TUBB4B: variants seen among roughly 807,000 people sequenced by gnomAD.
The protein encoded by TUBB4B is tubulin beta 4B class IVb, also known as tubulin beta-4B chain.
TUBB4B carries 7 observed loss-of-function variants against 34.3 expected under a neutral mutation model. The ratio of observed to expected loss-of-function variants is 0.20; its 90% CI spans 0.12 to 0.38. The LOEUF is 0.38. Ranked by LOEUF, TUBB4B falls within the 10% of genes least tolerant of loss-of-function variation. The pLI, the probability that TUBB4B is intolerant of heterozygous loss-of-function variation, is 1.00. For synonymous variants in TUBB4B, 390 were observed against 250.2 expected, an observed-to-expected ratio of 1.56 and a Z score of -5.27; for missense variants, 178 against 610.9, an observed-to-expected ratio of 0.29 and a Z score of 7.47.
intron 3 of TUBB4B, 155 bp from the exon 4 acceptor site, chr9:137,242,341 G>C: frequency 1.1e-6 from 1 of 912,444 alleles, no homozygotes; most frequent in Non-Finnish European, 1.6e-6. Context: ...TAGCAGGGCA[G>C]GCTGCCGTCT....
At position 137,243,646 on chromosome 9, in the gene TUBB4B, T is replaced by G; in HGVS notation, c.*90T>G. Reference sequence around the variant, plus strand: ...TGTGGCCTGTCCCACTGTGTGCACTTGCTGTTTTCCCTGTCCACATCCATG... The same window carrying G: ...TGTGGCCTGTCCCACTGTGTGCACTGGCTGTTTTCCCTGTCCACATCCATG... On this transcript the variant is annotated 3_prime_UTR_variant, in exon 4 of 4. Transcript: ENST00000340384. 1.2e-6 allele frequency: 2 copies of G among 1,613,994 alleles called. No individual in the cohort carries two copies. Among genetic ancestry groups the G allele is most frequent in the Admixed American group, 3.3e-5 (2 of 60,024 alleles).
Position 137,241,308 on chromosome 9 carries a change from T to G in TUBB4B, c.-53T>G. 4 of 1,575,298 alleles carry G rather than the reference T, an allele frequency of 2.5e-6. No individual in the cohort carries two copies. Among genetic ancestry groups the G allele is most frequent in the Non-Finnish European group, 3.4e-6 (4 of 1,167,294 alleles). On this transcript the variant is annotated 5_prime_UTR_variant, in exon 1 of 4. Transcript: ENST00000340384. ...TTGTAGCACTCTGCGCGCCCGCTCT[T>G]CTGCTGCTGTTTGTCTACTTCCTCC...
chr9:137,243,319 C>T lies in TUBB4B; in HGVS notation c.1101C>T (p.Phe367=), dbSNP rs1047819720. The change falls in exon 4 of 4, where the codon TTC becomes TTT. Residue 367 remains phenylalanine (F), a synonymous_variant. Coordinates refer to ENST00000340384, the MANE Select transcript of TUBB4B (RefSeq NM_006088.6). ...PPRGLKMSAT[F]IGNSTAIQEL... ...GGGGGCTAAAAATGTCCGCCACCTT[C>T]ATTGGCAACAGCACGGCCATCCAGG... 14 of 1,613,526 alleles carry T rather than the reference C, an allele frequency of 8.7e-6. No individual in the cohort carries two copies. The highest frequency in any genetic ancestry group is 1.0e-5 in the Non-Finnish European group (12 of 1,180,044).
rs1432939673 is a variant in TUBB4B, at chr9:137,241,638, C to T, written c.58-83C>T. ...GCGGGGAGGGCCGGGCTGCCGCGCC[C>T]GTCCGGGGCGGGGCTGCCTCCCTGC... On this transcript the variant is annotated intron_variant, in intron 1 of 3. Transcript: ENST00000340384. 43 of 955,208 alleles carry T rather than the reference C, an allele frequency of 4.5e-5. No homozygotes were observed. The South Asian group carries it at 4.6e-4, about 10-fold the overall frequency. 59.2% of individuals were successfully genotyped at this position (955,208 alleles called of 1,614,324 possible).
chr9:137,241,659 C>T (rs1836747180), intron 1 of TUBB4B, 62 bp from the exon 2 acceptor site: 1 of 1,384,408 alleles, frequency 7.2e-7, no homozygotes, highest in Non-Finnish European at 9.6e-7. Flanking sequence ...GGGCTGCCTC[C>T]CTGCGCACCG....
chr9:137,243,586 G>A lies in TUBB4B; in HGVS notation c.*30G>A, dbSNP rs1836803705. ...TTCAGTCACTGGGGAAAGCAGGGAA[G>A]CAGTGTGAACTCTTTATTCACTCCC... On this transcript the variant is annotated 3_prime_UTR_variant, in exon 4 of 4. Transcript: ENST00000340384. 1.2e-6 allele frequency: 2 copies of A among 1,613,580 alleles called. No individual in the cohort carries two copies. The highest frequency in any genetic ancestry group is 1.7e-5 in the Admixed American group (1 of 60,026).
chr9:137,242,469 CAA>C (rs756556583), intron 3 of TUBB4B, 25 bp from the exon 4 acceptor site: 11 of 1,602,198 alleles, frequency 6.9e-6, no homozygotes, highest in Non-Finnish European at 9.4e-6. Flanking sequence ...ACCTGGCTGA[CAA>C]ATGATTAGCT....
At position 137,242,143 on chromosome 9, in the gene TUBB4B, C is replaced by T. The variant is rs553607077; in HGVS notation, c.277+122C>T. The T allele has an allele frequency of 8.7e-5, 87 of 1,001,348 alleles. No homozygotes were observed. In the East Asian group the frequency reaches 1.3e-3, roughly 15 times the overall value. 62.0% of individuals were successfully genotyped at this position (1,001,348 alleles called of 1,614,324 possible). ...CCTCCTCTTCTCTGAGCCACTCAATCCCCTCTACTAAATCGGCTTTGGGAG... is the reference window on the plus strand; with the variant it reads ...CCTCCTCTTCTCTGAGCCACTCAATTCCCTCTACTAAATCGGCTTTGGGAG... On this transcript the variant is annotated intron_variant, in intron 3 of 3. Transcript: ENST00000340384.
intron 3 of TUBB4B, 51 bp downstream of exon 3, chr9:137,242,072 C>T (rs370094501): frequency 2.6e-6 from 4 of 1,560,062 alleles, no homozygotes; most frequent in Admixed American, 1.9e-5. Flanking sequence ...AGGGGCTGCT[C>T]CAAGGGCACC....
rs569635373 is a variant in TUBB4B, at chr9:137,242,062, A to G, written c.277+41A>G. On this transcript the variant is annotated intron_variant, in intron 3 of 3. Transcript: ENST00000340384. Reference sequence around the variant, plus strand: ...GGACTGGGCGGCGGCTCAAAGGTCAAGGGGCTGCTCCAAGGGCACCGCCGT... The same window carrying G: ...GGACTGGGCGGCGGCTCAAAGGTCAGGGGGCTGCTCCAAGGGCACCGCCGT... 284 of 1,590,944 alleles carry G rather than the reference A, an allele frequency of 1.8e-4. 1 individual carries two copies. The highest frequency in any genetic ancestry group is 6.9e-4 in the Middle Eastern group (3 of 4,378).
intron 1 of TUBB4B, 46 bp from the exon 2 acceptor site, chr9:137,241,675 G>C: frequency 1.3e-6 from 2 of 1,514,650 alleles, no homozygotes; most frequent in Non-Finnish European, 1.8e-6. Context: ...CACCGGCCGC[G>C]GTGACTCAGC....
At position 137,242,900 on chromosome 9, in the gene TUBB4B, C is replaced by T. The variant is rs746732309; in HGVS notation, c.682C>T (p.Leu228=). ...TTPTYGDLNH[L]VSATMSGVTT... is the part of the protein sequence containing the mutation. ...GCCCACCTATGGTGACCTGAACCAC[C>T]TGGTGTCTGCTACCATGAGTGGGGT... is the stretch of plus-strand genomic sequence containing the variant. Residue 228 remains leucine, a synonymous_variant, in exon 4 of 4, where the codon CTG becomes TTG. Transcript: ENST00000340384. 11 of 1,613,068 alleles carry T rather than the reference C, an allele frequency of 6.8e-6. No individual in the cohort carries two copies. The highest frequency in any genetic ancestry group is 7.6e-6 in the Non-Finnish European group (9 of 1,180,030).
In TUBB4B at chr9:137,243,466, T is replaced by C. The variant is rs765265255; in HGVS notation, c.1248T>C (p.Asn416=). ...TCACCGAGGCCGAGAGCAACATGAA[T>C]GACCTGGTGTCCGAGTACCAGCAGT... ...MEFTEAESNM[N]DLVSEYQQYQ... The change falls in exon 4 of 4, where the codon AAT becomes AAC. Residue 416 remains asparagine (N), a synonymous_variant. Coordinates refer to ENST00000340384, the MANE Select transcript of TUBB4B (RefSeq NM_006088.6). 2.5e-6 allele frequency: 4 copies of C among 1,613,698 alleles called. No homozygotes were observed. Among genetic ancestry groups the C allele is most frequent in the South Asian group, 1.1e-5 (1 of 91,074 alleles).
At position 137,241,710 on chromosome 9, in the gene TUBB4B, G is replaced by C. The variant is rs751566793; in HGVS notation, c.58-11G>C. 1 of 1,607,050 alleles carries C rather than the reference G, an allele frequency of 6.2e-7. No homozygotes were observed. The highest frequency in any genetic ancestry group is 1.3e-5 in the African/African-American group (1 of 74,462). ...CCCCGGCCCGCCCGGGCCCGCCCGC[G>C]TCCCTTGTAGTTTTGGGAGGTGATC... is the stretch of plus-strand genomic sequence containing the variant. On this transcript the variant is annotated splice_polypyrimidine_tract_variant and intron_variant, in intron 1 of 3. Coordinates refer to ENST00000340384, the MANE Select transcript of TUBB4B (RefSeq NM_006088.6).
At position 137,242,041 on chromosome 9, in the gene TUBB4B, T is replaced by G. The variant is rs745921362; in HGVS notation, c.277+20T>G. ...TTTTCGGTGAGCCGTGGCTGGGGAC[T>G]GGGCGGCGGCTCAAAGGTCAAGGGG... On this transcript the variant is annotated intron_variant, in intron 3 of 3. Transcript: ENST00000340384. 7 of 1,607,644 alleles carry G rather than the reference T, an allele frequency of 4.4e-6. No individual in the cohort carries two copies. Among genetic ancestry groups the G allele is most frequent in the Non-Finnish European group, 5.9e-6 (7 of 1,178,194 alleles).
At chr9:137,241,686 C>A in intron 1 of TUBB4B, 35 bp from the exon 2 acceptor site, 1 of 1,585,238 alleles carries the variant, frequency 6.3e-7, no homozygotes, top group Non-Finnish European at 8.6e-7. Context: ...GTGACTCAGC[C>A]CCGGCCCGCC....
Position 137,241,311 on chromosome 9 carries a change from G to T in TUBB4B, c.-50G>T, listed in dbSNP as rs572536677. ...TAGCACTCTGCGCGCCCGCTCTTCT[G>T]CTGCTGTTTGTCTACTTCCTCCTGC... is the stretch of plus-strand genomic sequence containing the variant. On this transcript the variant is annotated 5_prime_UTR_variant, in exon 1 of 4. Coordinates refer to ENST00000340384, the MANE Select transcript of TUBB4B (RefSeq NM_006088.6). 10 of 1,578,424 alleles carry T rather than the reference G, an allele frequency of 6.3e-6. No individual in the cohort carries two copies. Among genetic ancestry groups the T allele is most frequent in the Non-Finnish European group, 8.6e-6 (10 of 1,168,760 alleles).
chr9:137,241,427 CGGGGCGCT>C lies in TUBB4B; in HGVS notation c.57+16_57+23del, dbSNP rs1156487473. On this transcript the variant is annotated intron_variant, in intron 1 of 3. Transcript: ENST00000340384. The stretch of plus-strand genomic sequence containing the variant: ...CCAAATCGGCGCCAAGGTAAGTTGC[CGGGGCGCT>C]GGGGCCAGGCGGGCCTGCCGGGCGG... The C allele has an allele frequency of 5.1e-6, 8 of 1,582,144 alleles. No individual in the cohort carries two copies. Among genetic ancestry groups the C allele is most frequent in the Middle Eastern group, 1.7e-4 (1 of 5,852 alleles).
At chr9:137,242,262 G>C (rs1836766337) in intron 3 of TUBB4B, 1 of 668,176 alleles carries the variant, frequency 1.5e-6, no homozygotes, top group Non-Finnish European at 2.5e-6. Context: ...CTCTGTCCTT[G>C]GGAATTGGCA....
Sources: allele counts gnomAD v4.1 joint callset, GRCh38; gene constraint gnomAD v4.1.1; transcripts MANE v1.5; gene names NCBI Gene and HGNC (gene_info 2026-07-23, HGNC 2026-07-21).